The following TFCP2L1 variants were observed in gnomAD, a reference collection of about 807,000 sequenced individuals.
TFCP2L1 encodes the protein transcription factor CP2-like protein 1.
In TFCP2L1, 12 loss-of-function variants were observed where a neutral mutation model predicts 72.2. The observed-to-expected ratio is 0.17, with a 90% CI of 0.11 to 0.27. The LOEUF is 0.27. TFCP2L1 is among the 10% of genes least tolerant of loss of function. The probability of loss-of-function intolerance (pLI) is 1.00; values close to 1 mark genes in which losing one functional copy is unlikely to be tolerated. For missense variants in TFCP2L1, 488 were observed against 624.6 expected, an observed-to-expected ratio of 0.78 and a Z score of 2.33; for synonymous variants, 260 against 251.0, an observed-to-expected ratio of 1.04 and a Z score of -0.34.
intron 2 of TFCP2L1, among the ~76,000 whole-genome samples, chr2:121,264,411 G>A (rs1245303163): frequency 6.6e-6 from 1 of 152,182 alleles, no homozygotes; most frequent in Non-Finnish European, 1.5e-5. Context: ...TGGGGAAGGC[G>A]GGGACAGCCA....
At chr2:121,276,173 C>G (rs953033651) in intron 2 of TFCP2L1, among the ~76,000 whole-genome samples, 2 of 152,064 alleles carry the variant, frequency 1.3e-5, no homozygotes, top group African/African-American at 2.4e-5. Flanking sequence ...CCCATCAACC[C>G]GTAACCTACG....
intron 5 of TFCP2L1, among the ~76,000 whole-genome samples, 164 bp from the exon 6 acceptor site, chr2:121,247,134 G>C (rs1190856385): frequency 2.0e-5 from 3 of 152,076 alleles, no homozygotes; most frequent in Non-Finnish European, 2.9e-5. Flanking sequence ...CATCAGGCCG[G>C]TGGCCTCCCT....
At chr2:121,228,627 A>G (rs1177294451) in intron 13 of TFCP2L1, among the ~76,000 whole-genome samples, 2 of 151,786 alleles carry the variant, frequency 1.3e-5, no homozygotes, top group Non-Finnish European at 2.9e-5. Flanking sequence ...TTAGCCAGGC[A>G]TGGTGGAACA....
chr2:121,247,819 G>A (rs1180982920), intron 5 of TFCP2L1, among the ~76,000 whole-genome samples: 1 of 152,164 alleles, frequency 6.6e-6, no homozygotes, highest in Non-Finnish European at 1.5e-5. Flanking sequence ...CCACACCAGT[G>A]CTTGATAACA....
In TFCP2L1 at chr2:121,285,037, G is replaced by A; in HGVS notation, c.62+11C>T. Reference sequence around the variant, plus strand: ...GGCCCGAGACCCGCGGGGACCGCGCGCGGCCCTTACCGCAGGTAGCTGCCG... The same window carrying A: ...GGCCCGAGACCCGCGGGGACCGCGCACGGCCCTTACCGCAGGTAGCTGCCG... On this transcript the variant is annotated intron_variant, in intron 1 of 14. Coordinates refer to ENST00000263707, the MANE Select transcript of TFCP2L1 (RefSeq NM_014553.3). 1 of 1,491,954 alleles carries A rather than the reference G, an allele frequency of 6.7e-7. No individual in the cohort carries two copies. The highest frequency in any genetic ancestry group is 1.3e-5 in the South Asian group (1 of 78,366). 92.4% of individuals were successfully genotyped at this position (1,491,954 alleles called of 1,614,324 possible).
At chr2:121,267,158 T>C (rs557329622) in intron 2 of TFCP2L1, among the ~76,000 whole-genome samples, 39 of 152,182 alleles carry the variant, frequency 2.6e-4, no homozygotes, top group African/African-American at 8.4e-4. Context: ...CCTCAATCAA[T>C]CCACCAGCCT....
chr2:121,281,423 C>T (rs973937553), intron 1 of TFCP2L1, 152 bp from the exon 2 acceptor site: 6 of 779,126 alleles, frequency 7.7e-6, no homozygotes, highest in East Asian at 5.8e-5. Context: ...CTGCAACCCT[C>T]GAATACTCCA....
chr2:121,235,085 C>T (rs970908656), intron 11 of TFCP2L1, 136 bp downstream of exon 11: 1 of 848,660 alleles, frequency 1.2e-6, no homozygotes, highest in East Asian at 2.6e-5. Flanking sequence ...TTTCCTCCTA[C>T]ACTTGACCCC....
At chr2:121,281,342 TAG>T (rs1258907240) in intron 1 of TFCP2L1, 71 bp from the exon 2 acceptor site, 31 of 1,501,798 alleles carry the variant, frequency 2.1e-5, no homozygotes, top group Non-Finnish European at 2.7e-5. Context: ...AGGGCGAAGC[TAG>T]AGAGACGACG....
chr2:121,230,803 T>A (rs764675570), intron 13 of TFCP2L1, among the ~76,000 whole-genome samples: 8 of 151,830 alleles, frequency 5.3e-5, no homozygotes, highest in Non-Finnish European at 1.0e-4. Flanking sequence ...AGGCTGGGCA[T>A]GGTGGCTCAC....
At chr2:121,245,685 C>G (rs1326484872) in intron 6 of TFCP2L1, among the ~76,000 whole-genome samples, 1 of 152,226 alleles carries the variant, frequency 6.6e-6, no homozygotes, top group African/African-American at 2.4e-5. Context: ...TCTACTGCAG[C>G]TGTGATGGTG....
intron 6 of TFCP2L1, 83 bp downstream of exon 6, chr2:121,246,735 G>C (rs1371323545): frequency 6.4e-7 from 1 of 1,567,124 alleles, no homozygotes; most frequent in Non-Finnish European, 8.7e-7. Flanking sequence ...CCTGTAAGAG[G>C]AAACTCCAGG....
intron 8 of TFCP2L1, among the ~76,000 whole-genome samples, chr2:121,239,127 TTG>T (rs1686310146): frequency 6.6e-6 from 1 of 152,098 alleles, no homozygotes; most frequent in Non-Finnish European, 1.5e-5. Flanking sequence ...AGTTTCTGTG[TTG>T]TAAGGCCTGA....
At position 121,242,083 on chromosome 2, in the gene TFCP2L1, CAAAAAAA is replaced by C. The variant is rs541937558; in HGVS notation, c.768+269_768+275del. On this transcript the variant is annotated intron_variant, in intron 7 of 14. Transcript: ENST00000263707. ...AAACCATGTGAATACATTACCTACT[CAAAAAAA>C]AAAAAAAAAAAAAAAAAAGGGAACC... Among the ~76,000 whole-genome samples, 375 of 65,502 alleles carry C rather than the reference CAAAAAAA, an allele frequency of 5.7e-3. 1 individual carries two copies. The highest frequency in any genetic ancestry group is 0.018 in the African/African-American group (338 of 19,314). 43.0% of individuals were successfully genotyped at this position (65,502 alleles called of 152,430 possible). A position where few individuals can be genotyped will look rare whatever the true frequency, so the allele number is the denominator to read the frequency against.
At chr2:121,255,443 C>T (rs750946072) in intron 2 of TFCP2L1, among the ~76,000 whole-genome samples, 3 of 152,170 alleles carry the variant, frequency 2.0e-5, no homozygotes, top group Non-Finnish European at 4.4e-5. Flanking sequence ...TGAATTGTCA[C>T]GTAGCCATGT....
At chr2:121,278,150 C>A (rs1687183947) in intron 2 of TFCP2L1, among the ~76,000 whole-genome samples, 1 of 148,558 alleles carries the variant, frequency 6.7e-6, no homozygotes, top group South Asian at 2.1e-4. Flanking sequence ...CATTCTCCTG[C>A]CTCAGCCTCC....
At chr2:121,269,096 G>A (rs1409020297) in intron 2 of TFCP2L1, among the ~76,000 whole-genome samples, 1 of 151,782 alleles carries the variant, frequency 6.6e-6, no homozygotes, top group Non-Finnish European at 1.5e-5. Flanking sequence ...AATGGGACAT[G>A]AAATACAAAA....
chr2:121,221,695 A>G lies in TFCP2L1; in HGVS notation c.*2646T>C, dbSNP rs1281959219. 1 of 152,244 alleles carries G rather than the reference A, an allele frequency of 6.6e-6. No homozygotes were observed. The highest frequency in any genetic ancestry group is 1.5e-5 in the Non-Finnish European group (1 of 68,050). 9.4% of individuals were successfully genotyped at this position (152,244 alleles called of 1,614,324 possible). A position where few individuals can be genotyped will look rare whatever the true frequency, so the allele number is the denominator to read the frequency against. ...TAATCTTCTTGACCTTGGATTAGGCAATGGTTTTCTAGATATGGCACCAAA... is the reference window on the plus strand; with the variant it reads ...TAATCTTCTTGACCTTGGATTAGGCGATGGTTTTCTAGATATGGCACCAAA... On this transcript the variant is annotated 3_prime_UTR_variant, in exon 15 of 15. Coordinates refer to ENST00000263707, the MANE Select transcript of TFCP2L1 (RefSeq NM_014553.3).
At chr2:121,268,667 G>A (rs1686982407) in intron 2 of TFCP2L1, among the ~76,000 whole-genome samples, 2 of 151,994 alleles carry the variant, frequency 1.3e-5, no homozygotes, top group Middle Eastern at 3.4e-3. Flanking sequence ...CAGGGGAGAA[G>A]AGAAGAACCA....
Sources: allele counts gnomAD v4.1 joint callset (sites outside exome capture counted in the v4.1 genomes callset), GRCh38; gene constraint gnomAD v4.1.1; transcripts MANE v1.5; gene names NCBI Gene and HGNC (gene_info 2026-07-23, HGNC 2026-07-21).